SFXN2: variants seen among roughly 807,000 people sequenced by gnomAD.
SFXN2 encodes sideroflexin-2.
In SFXN2, 37 loss-of-function variants were observed where a neutral mutation model predicts 41.9. The ratio of observed to expected loss-of-function variants is 0.88; its 90% CI spans 0.68 to 1.16. The LOEUF (loss-of-function observed/expected upper bound fraction) is 1.16. Among genes scored for constraint, SFXN2 ranks in the 50% most tolerant of loss-of-function variants. The probability of loss-of-function intolerance (pLI) is 0.00; values close to 1 mark genes in which losing one functional copy is unlikely to be tolerated. For synonymous variants in SFXN2, 150 were observed against 156.7 expected (o/e 0.96, Z 0.32); for missense variants, 386 against 425.2 (o/e 0.91, Z 0.81).
At chr10:102,730,017 C>T (rs985145400) in intron 6 of SFXN2, among the ~76,000 whole-genome samples, 2 of 152,088 alleles carry the variant, frequency 1.3e-5, no homozygotes, top group African/African-American at 4.8e-5. Context: ...TGTTGAGTCC[C>T]GTGGGAGTCC....
intron 4 of SFXN2, 59 bp downstream of exon 4, chr10:102,728,588 G>C (rs2064648273): frequency 6.8e-7 from 1 of 1,476,820 alleles, no homozygotes; most frequent in African/African-American, 1.4e-5. Context: ...TTTTCTAAAG[G>C]GTTCTGGGCT....
At chr10:102,733,452 G>C (rs2064731901) in intron 9 of SFXN2, 102 bp from the exon 10 acceptor site, 1 of 948,160 alleles carries the variant, frequency 1.1e-6, no homozygotes, top group Non-Finnish European at 1.7e-6. Flanking sequence ...CCAGCCACCT[G>C]TGGGCTTTTC....
intron 1 of SFXN2, chr10:102,716,232 A>G: frequency 6.6e-6 from 1 of 151,992 alleles, no homozygotes; most frequent in Non-Finnish European, 1.5e-5. Flanking sequence ...CTCATTTTCC[A>G]GCTTGCTCTA....
chr10:102,728,902 AAAAC>A (rs947471200), intron 4 of SFXN2, among the ~76,000 whole-genome samples: 2 of 152,102 alleles, frequency 1.3e-5, no homozygotes, highest in African/African-American at 2.4e-5. Flanking sequence ...GATCAGTCTC[AAAAC>A]AAACAAAAAA....
Position 102,732,210 on chromosome 10 carries a change from C to A in SFXN2, c.713C>A (p.Pro238His), listed in dbSNP as rs80190628. 1 of 1,613,956 alleles carries A rather than the reference C, an allele frequency of 6.2e-7. No homozygotes were observed. The highest frequency in any genetic ancestry group is 1.3e-5 in the African/African-American group (1 of 75,040). The change falls in exon 8 of 12, where the codon CCT (proline) becomes CAT (histidine). Residue 238 changes from proline to histidine, a missense_variant. Transcript: ENST00000369893. ...VVISRITMSA[P>H]GMILLPVIME... ...ATTTCTCGGATCACCATGTCAGCTC[C>A]TGGGATGAGTAAGATGGGGAAGCCC...
At chr10:102,725,297 G>A (rs1219253301) in intron 1 of SFXN2, among the ~76,000 whole-genome samples, 1 of 152,096 alleles carries the variant, frequency 6.6e-6, no homozygotes, top group East Asian at 1.9e-4. Context: ...GCCTCCCCTT[G>A]TCCTCTTTAG....
intron 1 of SFXN2, among the ~76,000 whole-genome samples, chr10:102,719,026 T>C (rs1466628529): frequency 1.4e-5 from 2 of 145,054 alleles, no homozygotes; most frequent in African/African-American, 5.2e-5. Flanking sequence ...CGGGTTCAAG[T>C]GATTCTCCTG....
At chr10:102,727,505 T>C (rs886419750) in intron 3 of SFXN2, among the ~76,000 whole-genome samples, 1 of 152,172 alleles carries the variant, frequency 6.6e-6, no homozygotes, top group Admixed American at 6.5e-5. Flanking sequence ...AAAGTACTTA[T>C]TCCACAATGA....
chr10:102,736,041 A>G, intron 11 of SFXN2, 132 bp downstream of exon 11: 2 of 898,248 alleles, frequency 2.2e-6, no homozygotes, highest in Non-Finnish European at 3.7e-6. Flanking sequence ...AGTGTCCATC[A>G]GCCTAAAGGC....
At chr10:102,726,854 G>A (rs1282875719) in intron 2 of SFXN2, 57 bp downstream of exon 2, 1 of 1,602,254 alleles carries the variant, frequency 6.2e-7, no homozygotes, top group African/African-American at 1.3e-5. Flanking sequence ...GGGTCCTCTT[G>A]GGAGGAGGTG....
intron 1 of SFXN2, among the ~76,000 whole-genome samples, chr10:102,720,568 AC>A (rs1274031367): frequency 6.6e-6 from 1 of 151,616 alleles, no homozygotes; most frequent in Non-Finnish European, 1.5e-5. Context: ...CCATGATCAT[AC>A]CACTGTACTC....
intron 1 of SFXN2, among the ~76,000 whole-genome samples, chr10:102,721,695 A>G (rs1461480759): frequency 1.3e-5 from 2 of 151,294 alleles, no homozygotes; most frequent in East Asian, 3.9e-4. Context: ...AAATATGTAT[A>G]TGTGTGTGTC....
intron 1 of SFXN2, chr10:102,716,562 CTTTTTTTTTTTTTTT>C (rs567284795): frequency 2.3e-5 from 2 of 88,002 alleles, no homozygotes; most frequent in African/African-American, 4.9e-5. Context: ...TCTTTCTTTC[CTTTTTTTTTTTTTTT>C]TTTTTTTTGA....
chr10:102,727,371 G>C (rs2064618220), intron 3 of SFXN2, among the ~76,000 whole-genome samples: 1 of 152,210 alleles, frequency 6.6e-6, no homozygotes, highest in Non-Finnish European at 1.5e-5. Flanking sequence ...AAGAACTAGA[G>C]TTCTAGAGAA....
intron 1 of SFXN2, among the ~76,000 whole-genome samples, chr10:102,724,291 G>A (rs760081131): frequency 6.6e-6 from 1 of 152,290 alleles, no homozygotes; most frequent in East Asian, 1.9e-4. Context: ...CTACTGACAC[G>A]TGTTCAGGCT....
In SFXN2 at chr10:102,741,864, A is replaced by C. The variant is rs561346053; in HGVS notation, c.*4102A>C. The C allele has an allele frequency of 2.0e-5, 3 of 152,368 alleles. No individual in the cohort carries two copies. Among genetic ancestry groups the C allele is most frequent in the Non-Finnish European group, 2.9e-5 (2 of 68,040 alleles). The allele number at this position is 152,368 out of a possible 1,614,324, so 9.4% of individuals were successfully genotyped here. ...AGGAGCTTGACTTGTGGAATGGATA[A>C]ATTTCTAAGAAACGAGAGATTGGCA... On this transcript the variant is annotated 3_prime_UTR_variant, in exon 12 of 12. Transcript: ENST00000369893.
At chr10:102,732,969 T>G in intron 9 of SFXN2, 61 bp downstream of exon 9, 1 of 1,563,014 alleles carries the variant, frequency 6.4e-7, no homozygotes, top group Non-Finnish European at 8.8e-7. Flanking sequence ...CATCTGTCCC[T>G]AGGGATACCT....
At chr10:102,732,986 C>T in intron 9 of SFXN2, 78 bp downstream of exon 9, 1 of 1,401,156 alleles carries the variant, frequency 7.1e-7, no homozygotes, top group East Asian at 2.3e-5. Context: ...ACCTGACCTG[C>T]CCTCCCCCAC....
chr10:102,729,886 C>T (rs1260145008), intron 6 of SFXN2, 78 bp downstream of exon 6: 8 of 1,499,866 alleles, frequency 5.3e-6, no homozygotes, highest in South Asian at 3.4e-5. Flanking sequence ...CAGTGGGTGG[C>T]TTCTGGGGAC....
Sources: allele counts gnomAD v4.1 joint callset (sites outside exome capture counted in the v4.1 genomes callset), GRCh38; gene constraint gnomAD v4.1.1; transcripts MANE v1.5; gene names NCBI Gene and HGNC (gene_info 2026-07-23, HGNC 2026-07-21).